Variants in ADAMTSL1 observed in about 807,000 individuals in gnomAD.
ADAMTSL1 encodes ADAMTS-like protein 1.
Under a neutral mutation model 201.8 loss-of-function variants are expected in ADAMTSL1, and 126 were observed. That is an observed-to-expected ratio of 0.62 (90% CI 0.54 to 0.72). The LOEUF is 0.72. ADAMTSL1 is among the 30% of genes least tolerant of loss of function. The probability of loss-of-function intolerance (pLI) is 0.00; values close to 1 mark genes in which losing one functional copy is unlikely to be tolerated. For synonymous variants in ADAMTSL1, 1,121 were observed against 903.4 expected, an observed-to-expected ratio of 1.24 and a Z score of -4.32; for missense variants, 2,679 against 2,277.8, an observed-to-expected ratio of 1.18 and a Z score of -3.59.
chr9:18,468,851 C>G (rs570289635), intron 2 of ADAMTSL1, among the ~76,000 whole-genome samples: 5 of 152,098 alleles, frequency 3.3e-5, no homozygotes, highest in Admixed American at 6.5e-5. Context: ...TAAGCCGAGG[C>G]CCTTGGGGCT....
At position 18,262,593 on chromosome 9, in the gene ADAMTSL1, T is replaced by A. The variant is rs115561956; in HGVS notation, c.207+98612T>A. ...GCTTCTTGCAGGAGTTAGTAGAGAA[T>A]GGAAAAACCCAGGGAAAAATGGGAT... is the stretch of plus-strand genomic sequence containing the variant. On this transcript the variant is annotated intron_variant, in intron 2 of 29. Transcript: ENST00000680146. Among the ~76,000 whole-genome samples the A allele has an allele frequency of 6.0e-3, 919 of 152,146 alleles. 10 individuals carry two copies. The highest frequency in any genetic ancestry group is 0.022 in the African/African-American group (893 of 41,496).
intron 1 of ADAMTSL1, among the ~76,000 whole-genome samples, chr9:18,002,722 T>A (rs1182627275): frequency 6.6e-6 from 1 of 152,058 alleles, no homozygotes; most frequent in African/African-American, 2.4e-5. Context: ...TCTGTAACTG[T>A]CAGATATTGT....
At chr9:18,182,164 G>A (rs1828515014) in intron 2 of ADAMTSL1, among the ~76,000 whole-genome samples, 1 of 150,714 alleles carries the variant, frequency 6.6e-6, no homozygotes, top group South Asian at 2.1e-4. Context: ...GGGAGGGATA[G>A]CATTGGGAGA....
chr9:18,035,930 A>C lies in ADAMTSL1; in HGVS notation c.88-127932A>C, dbSNP rs531383434. Among the ~76,000 whole-genome samples, 8 of 152,288 alleles carry C rather than the reference A, an allele frequency of 5.3e-5. No homozygotes were observed. The East Asian group carries it at 1.2e-3, about 22-fold the overall frequency. On this transcript the variant is annotated intron_variant, in intron 1 of 29. Coordinates refer to the ADAMTSL1 transcript ENST00000680146. ...AGAGCTGTGCTGGTGATGGGGACCT[A>C]TAGTGGAAAACAAATAGATTTGGTC...
intron 5 of ADAMTSL1, among the ~76,000 whole-genome samples, chr9:18,629,405 T>C (rs372851847): frequency 3.9e-4 from 60 of 152,270 alleles, no homozygotes; most frequent in East Asian, 2.7e-3. Context: ...CTTTATCAGA[T>C]TGAGGAAGTT....
At chr9:18,783,781 A>G (rs1227338998) in intron 19 of ADAMTSL1, among the ~76,000 whole-genome samples, 1 of 152,212 alleles carries the variant, frequency 6.6e-6, no homozygotes, top group Non-Finnish European at 1.5e-5. Context: ...TATTAAAAAC[A>G]AACAAAAAAT....
intron 2 of ADAMTSL1, among the ~76,000 whole-genome samples, chr9:18,248,292 GA>G (rs1831337410): frequency 6.6e-6 from 1 of 152,086 alleles, no homozygotes; most frequent in Admixed American, 6.5e-5. Context: ...CTTCCTTTCT[GA>G]AAACGGCATC....
At chr9:18,138,767 C>G (rs1424666086) in intron 1 of ADAMTSL1, among the ~76,000 whole-genome samples, 1 of 152,044 alleles carries the variant, frequency 6.6e-6, no homozygotes, top group Non-Finnish European at 1.5e-5. Context: ...TGCTGGAGCA[C>G]CAGCATTCCA....
At chr9:18,370,857 G>C (rs1030296376) in intron 2 of ADAMTSL1, among the ~76,000 whole-genome samples, 4 of 151,898 alleles carry the variant, frequency 2.6e-5, no homozygotes, top group African/African-American at 9.7e-5. Flanking sequence ...ATAATCCCAG[G>C]TGTTCATCTC....
chr9:18,222,561 A>T (rs1414974283), intron 2 of ADAMTSL1, among the ~76,000 whole-genome samples: 1 of 150,592 alleles, frequency 6.6e-6, no homozygotes, highest in Non-Finnish European at 1.5e-5. Context: ...TTTTAGTCCT[A>T]CTTTGATTTT....
intron 2 of ADAMTSL1, among the ~76,000 whole-genome samples, chr9:18,229,420 C>T (rs533776385): frequency 1.2e-4 from 18 of 152,116 alleles, no homozygotes; most frequent in African/African-American, 3.6e-4. Flanking sequence ...TTGAATCGTG[C>T]CTGCCCCACC....
At chr9:18,721,462 C>T (rs1833364807) in intron 14 of ADAMTSL1, 74 bp from the exon 15 acceptor site, 3 of 1,570,642 alleles carry the variant, frequency 1.9e-6, no homozygotes, top group Non-Finnish European at 2.6e-6. Context: ...CACCAGCTGC[C>T]TTGTCTACAC....
chr9:18,191,370 A>G (rs926837922), intron 2 of ADAMTSL1, among the ~76,000 whole-genome samples: 1 of 152,170 alleles, frequency 6.6e-6, no homozygotes, highest in Admixed American at 6.6e-5. Flanking sequence ...CAGGCCCTGC[A>G]TTGACTGGGA....
At chr9:18,680,545 A>AG (rs769218065) in intron 11 of ADAMTSL1, 29 bp downstream of exon 11, 2 of 1,609,358 alleles carry the variant, frequency 1.2e-6, no homozygotes, top group Non-Finnish European at 8.5e-7. Context: ...TTTGTTCATT[A>AG]GGAGAGTAAG....
chr9:18,020,235 A>G (rs192376074), intron 1 of ADAMTSL1, among the ~76,000 whole-genome samples: 1 of 152,014 alleles, frequency 6.6e-6, no homozygotes, highest in African/African-American at 2.4e-5. Flanking sequence ...AGTTTCTAAG[A>G]TGGTCCCCAT....
At chr9:18,320,130 G>A (rs1834561933) in intron 2 of ADAMTSL1, among the ~76,000 whole-genome samples, 2 of 151,952 alleles carry the variant, frequency 1.3e-5, no homozygotes, top group Non-Finnish European at 2.9e-5. Context: ...GAGTCTGGAT[G>A]AACAAGAAAA....
chr9:18,495,960 AGGC>A (rs1246007333), intron 1 of ADAMTSL1, among the ~76,000 whole-genome samples: 16 of 152,238 alleles, frequency 1.1e-4, no homozygotes, highest in African/African-American at 3.6e-4. Flanking sequence ...ACGTATTTCC[AGGC>A]ATTTCATCAT....
intron 2 of ADAMTSL1, among the ~76,000 whole-genome samples, chr9:18,529,867 A>T (rs1188676719): frequency 6.6e-6 from 1 of 152,202 alleles, no homozygotes; most frequent in African/African-American, 2.4e-5. Context: ...GCATTAGACA[A>T]CTACAGGATA....
intron 2 of ADAMTSL1, among the ~76,000 whole-genome samples, chr9:18,289,888 A>G (rs377075538): frequency 3.3e-5 from 5 of 152,350 alleles, no homozygotes; most frequent in Admixed American, 2.6e-4. Context: ...ACAACATGAA[A>G]ACAAATACAA....
Sources: gnomAD v4.1 joint callset for allele counts (sites outside exome capture counted in the v4.1 genomes callset) on GRCh38, gnomAD v4.1.1 for gene constraint, MANE v1.5 for transcripts, NCBI Gene and HGNC (gene_info 2026-07-23, HGNC 2026-07-21) for gene names.